The following GALNT15 variants were observed in gnomAD, a reference collection of about 807,000 sequenced individuals.
GALNT15 encodes the protein polypeptide N-acetylgalactosaminyltransferase 15, also known as UDP-GalNAc transferase T15.
Under a neutral mutation model 66.8 loss-of-function variants are expected in GALNT15, and 67 were observed. The observed-to-expected ratio is 1.00, with a 90% CI of 0.82 to 1.23. GALNT15 has a LOEUF of 1.23. Ranked by LOEUF, GALNT15 falls within the 50% of genes most tolerant of loss-of-function variation. The pLI is 0.00. For synonymous variants in GALNT15, 313 were observed against 311.5 expected, an observed-to-expected ratio of 1.00 and a Z score of -0.05; for missense variants, 827 against 804.3, an observed-to-expected ratio of 1.03 and a Z score of -0.34.
At position 16,193,241 on chromosome 3, in the gene GALNT15, A is replaced by G. The variant is rs913376006; in HGVS notation, c.540-2519A>G. Reference sequence around the variant, plus strand: ...AAACATTTTACTTTGGCTACCAGGGATCTCAGAGTCAAATTTAAATTCATT... The same window carrying G: ...AAACATTTTACTTTGGCTACCAGGGGTCTCAGAGTCAAATTTAAATTCATT... On this transcript the variant is annotated intron_variant, in intron 1 of 9. Transcript: ENST00000339732. The surrounding 1 kb of genome is among the most constrained non-coding windows in gnomAD (Gnocchi z 4.7). Among the ~76,000 whole-genome samples, 13 of 152,338 alleles carry G rather than the reference A, an allele frequency of 8.5e-5. No individual in the cohort carries two copies. Among genetic ancestry groups the G allele is most frequent in the Middle Eastern group, 3.4e-3 (1 of 294 alleles).
intron 1 of GALNT15, among the ~76,000 whole-genome samples, chr3:16,192,839 T>C (rs2063593850): frequency 6.6e-6 from 1 of 152,258 alleles, no homozygotes; most frequent in Admixed American, 6.5e-5. Flanking sequence ...TTATTTTATT[T>C]GTTTTAAGAA....
chr3:16,200,061 A>C lies in GALNT15; in HGVS notation c.707-558A>C, dbSNP rs1238381445. Among the ~76,000 whole-genome samples, 1 of 152,186 alleles carries C rather than the reference A, an allele frequency of 6.6e-6. No homozygotes were observed. Among genetic ancestry groups the C allele is most frequent in the East Asian group, 1.9e-4 (1 of 5,194 alleles). ...CGCATGGCTGGGGAGGCCTCAGGAA[A>C]CTTACAATCATGGTGGAAGGGGAAG... On this transcript the variant is annotated intron_variant, in intron 2 of 9. Coordinates refer to ENST00000339732, the MANE Select transcript of GALNT15 (RefSeq NM_054110.5). This position sits in a 1 kb window ranked among gnomAD's most constrained non-coding sequence, Gnocchi z 4.4.
chr3:16,192,571 A>G (rs2063590557), intron 1 of GALNT15, among the ~76,000 whole-genome samples: 2 of 152,206 alleles, frequency 1.3e-5, no homozygotes, highest in Admixed American at 1.3e-4. Flanking sequence ...CATGGCCACA[A>G]AAGAAGTGGA....
Position 16,175,685 on chromosome 3 carries a change from C to T in GALNT15, c.534C>T (p.His178=). The change falls in exon 1 of 10, where the codon CAC becomes CAT. Residue 178 remains histidine, a synonymous_variant. Transcript: ENST00000339732. This position sits in a 1 kb window ranked among gnomAD's most constrained non-coding sequence, Gnocchi z 5.6. Reference sequence around the variant, plus strand: ...AGAGGGCTCTGCCCGAGGTGCGGCACCCACTGTAAGTAAGGCCCTTGTTTT... The same window carrying T: ...AGAGGGCTCTGCCCGAGGTGCGGCATCCACTGTAAGTAAGGCCCTTGTTTT... ...PLQRALPEVR[H]PLCLQQHPQD... The T allele has an allele frequency of 6.3e-7, 1 of 1,580,548 alleles. No homozygotes were observed. The highest frequency in any genetic ancestry group is 8.6e-7 in the Non-Finnish European group (1 of 1,162,764).
rs1363760692 is a variant in GALNT15, at chr3:16,227,405, C to T, written c.1825C>T (p.Gln609Ter). Residue 609 changes from glutamine to a stop codon, truncating the protein, a stop_gained, in exon 10 of 10, where the codon CAA becomes TAA. Coordinates refer to ENST00000339732, the MANE Select transcript of GALNT15 (RefSeq NM_054110.5). LOFTEE classifies it high-confidence loss of function. The surrounding 1 kb of genome is among the most constrained non-coding windows in gnomAD (Gnocchi z 4.5). ...LSGKCMEAVV[Q>*]ENNKDLYLRP... ...TGGGAAATGCATGGAAGCTGTGGTG[C>T]AAGAAAACAATAAAGATTTGTACCT... is the stretch of plus-strand genomic sequence containing the variant. The T allele has an allele frequency of 6.2e-7, 1 of 1,613,916 alleles. No homozygotes were observed. The highest frequency in any genetic ancestry group is 1.3e-5 in the African/African-American group (1 of 74,976).
Position 16,227,915 on chromosome 3 carries a change from A to G in GALNT15, c.*415A>G. On this transcript the variant is annotated 3_prime_UTR_variant, in exon 10 of 10. Coordinates refer to ENST00000339732, the MANE Select transcript of GALNT15 (RefSeq NM_054110.5). This position sits in a 1 kb window ranked among gnomAD's most constrained non-coding sequence, Gnocchi z 4.5. ...ACTTGGATTGTCTGTTTGGCCAACC[A>G]TGAAAATTAAAGAGTGAAGCAGATG... is the stretch of plus-strand genomic sequence containing the variant. 1 of 1,005,246 alleles carries G rather than the reference A, an allele frequency of 9.9e-7. No individual in the cohort carries two copies. Among genetic ancestry groups the G allele is most frequent in the Non-Finnish European group, 1.2e-6 (1 of 843,168 alleles). 62.3% of individuals were successfully genotyped at this position (1,005,246 alleles called of 1,614,324 possible).
intron 8 of GALNT15, chr3:16,220,257 G>T (rs2063929104): frequency 2.0e-6 from 1 of 512,586 alleles, no homozygotes; most frequent in Non-Finnish European, 3.5e-6. Flanking sequence ...GGGAAATGGA[G>T]AAGCCGTTTG....
At position 16,191,636 on chromosome 3, in the gene GALNT15, T is replaced by C. The variant is rs1206734785; in HGVS notation, c.540-4124T>C. 2.0e-5 allele frequency among the ~76,000 whole-genome samples: 3 copies of C among 152,212 alleles called. No individual in the cohort carries two copies. Among genetic ancestry groups the C allele is most frequent in the Non-Finnish European group, 2.9e-5 (2 of 68,038 alleles). ...GGAACTTGAGTGCCCTGGTCACCAT[T>C]TAACTAGCAGAGATGGAAGCTCTCA... On this transcript the variant is annotated intron_variant, in intron 1 of 9. Transcript: ENST00000339732. This position sits in a 1 kb window ranked among gnomAD's most constrained non-coding sequence, Gnocchi z 5.2.
chr3:16,201,427 C>G lies in GALNT15; in HGVS notation c.911+604C>G, dbSNP rs572345747. 2.7e-4 allele frequency among the ~76,000 whole-genome samples: 41 copies of G among 152,238 alleles called. No individual in the cohort carries two copies. In the South Asian group the frequency reaches 8.5e-3, roughly 32 times the overall value. ...CGATCTCCTGACTTCGTGATCCGCC[C>G]TCCTCAGCCTCCCAAAGTGCTGGGA... On this transcript the variant is annotated intron_variant, in intron 3 of 9. Transcript: ENST00000339732.
chr3:16,221,541 G>C (rs9861131), intron 8 of GALNT15, among the ~76,000 whole-genome samples: 108,136 of 152,008 alleles, frequency 0.71, 38,975 homozygotes, highest in African/African-American at 0.79. Flanking sequence ...GCTGTTGGCT[G>C]CATGCAAGGG....
At chr3:16,239,546 G>A in the GALNT15 span, among the ~76,000 whole-genome samples, 6 of 152,224 alleles carry the variant, frequency 3.9e-5, no homozygotes, top group East Asian at 5.8e-4. This position sits in a 1 kb window ranked among gnomAD's most constrained non-coding sequence, Gnocchi z 5.2. Context: ...AAGCAGCTCC[G>A]TGTACTCAGT....
At chr3:16,232,469 AATATAT>A (rs374444719), downstream of GALNT15, among the ~76,000 whole-genome samples, 141 of 38,732 alleles carry the variant, frequency 3.6e-3, no homozygotes, top group Middle Eastern at 0.014. Flanking sequence ...TAAATAAATA[AATATAT>A]ATATATATAT....
rs538272006 is a variant in GALNT15, at chr3:16,219,614, C to T, written c.1524+80C>T. ...AACTAGATGTTCAGCTCTTCCATGT[C>T]CCTGGTCAACCATTCACGGTTTAGC... On this transcript the variant is annotated intron_variant, in intron 7 of 9. Transcript: ENST00000339732. This position sits in a 1 kb window ranked among gnomAD's most constrained non-coding sequence, Gnocchi z 4.3. The T allele has an allele frequency of 1.9e-6, 3 of 1,554,264 alleles. No homozygotes were observed. Among genetic ancestry groups the T allele is most frequent in the Non-Finnish European group, 2.6e-6 (3 of 1,142,424 alleles).
At chr3:16,242,221 A>G in the GALNT15 span, among the ~76,000 whole-genome samples, 2 of 152,102 alleles carry the variant, frequency 1.3e-5, no homozygotes, top group Admixed American at 1.3e-4. This position sits in a 1 kb window ranked among gnomAD's most constrained non-coding sequence, Gnocchi z 5.6. Flanking sequence ...GGGGAAGCAG[A>G]CCCCACTTAT....
rs575102038 is a variant in GALNT15, at chr3:16,195,057, C to T, written c.540-703C>T. On this transcript the variant is annotated intron_variant, in intron 1 of 9. Transcript: ENST00000339732. This position sits in a 1 kb window ranked among gnomAD's most constrained non-coding sequence, Gnocchi z 4.6. ...CAGGTGCTATGCTAGGTTGTAGGAA[C>T]ATAAAAATAAAGAAAATAGTGTCCC... Among the ~76,000 whole-genome samples the T allele has an allele frequency of 7.9e-5, 12 of 152,076 alleles. No individual in the cohort carries two copies. The highest frequency in any genetic ancestry group is 1.2e-4 in the African/African-American group (5 of 41,380).
the GALNT15 span, among the ~76,000 whole-genome samples, chr3:16,242,772 C>T: frequency 2.0e-5 from 3 of 151,954 alleles, no homozygotes; most frequent in Non-Finnish European, 4.4e-5. This position sits in a 1 kb window ranked among gnomAD's most constrained non-coding sequence, Gnocchi z 5.6. Flanking sequence ...AAGAGAGACC[C>T]TGTCTCAAAA....
intron 1 of GALNT15, among the ~76,000 whole-genome samples, chr3:16,178,734 A>G (rs1247833677): frequency 3.9e-5 from 6 of 152,206 alleles, no homozygotes; most frequent in Non-Finnish European, 7.3e-5. Context: ...GGGCCACAAT[A>G]CAACACAGAA....
intron 8 of GALNT15, among the ~76,000 whole-genome samples, chr3:16,222,304 A>G (rs138065536): frequency 6.6e-6 from 1 of 152,320 alleles, no homozygotes; most frequent in Admixed American, 6.5e-5. Context: ...CTGTGCTTTC[A>G]ACAGTATAGT....
intron 1 of GALNT15, among the ~76,000 whole-genome samples, chr3:16,178,609 CCCTTAACTGGATT>C (rs2063437722): frequency 6.6e-6 from 1 of 152,184 alleles, no homozygotes; most frequent in Non-Finnish European, 1.5e-5. Context: ...CTGGCGCCTT[CCCTTAACTGGATT>C]CCTCGCCTGC....
Sources: allele counts gnomAD v4.1 joint callset (sites outside exome capture counted in the v4.1 genomes callset), GRCh38; gene constraint gnomAD v4.1.1; non-coding constraint Gnocchi (gnomAD v3.1); transcripts MANE v1.5; gene names NCBI Gene and HGNC (gene_info 2026-07-23, HGNC 2026-07-21).